Variants in SH2D4B observed in about 807,000 individuals in gnomAD.
SH2D4B encodes SH2 domain-containing protein 4B.
In SH2D4B, 45 loss-of-function variants were observed where a neutral mutation model predicts 61.5. The observed-to-expected ratio is 0.73, with a 90% confidence interval of 0.58 to 0.94. SH2D4B has a LOEUF of 0.94. Ranked by LOEUF, SH2D4B falls within the 40% of genes least tolerant of loss-of-function variation. The pLI, the probability that SH2D4B is intolerant of heterozygous loss-of-function variation, is 0.00. For missense variants in SH2D4B, 572 were observed against 574.2 expected (o/e 1.00, Z 0.04); for synonymous variants, 224 against 220.4 (o/e 1.02, Z -0.14).
rs772363476 is a variant in SH2D4B at position 80,609,515 on chromosome 10, G to C, written c.952G>C (p.Glu318Gln). The C allele has an allele frequency of 6.2e-7, 1 of 1,614,078 alleles. No homozygotes were observed. Among genetic ancestry groups the C allele is most frequent in the Non-Finnish European group, 8.5e-7 (1 of 1,180,048 alleles). Residue 318 changes from glutamate (E) to glutamine (Q), a missense_variant, in exon 6 of 8, where the codon GAG becomes CAG. Physicochemically the swap from Glu to Gln is conservative, Grantham distance 29 (BLOSUM62 2). Transcript: ENST00000646907. ...GCAGCTGCCTCGCCGAGCTGGCTTC[G>C]AGAGGAACACCAAGTTCATCGCCCC... ...EEQLPRRAGF[E>Q]RNTKFIAPWF... is the part of the protein sequence containing the mutation.
At chr10:80,606,887 T>C (rs1049829016) in intron 5 of SH2D4B, among the ~76,000 whole-genome samples, 5 of 152,212 alleles carry the variant, frequency 3.3e-5, no homozygotes, top group African/African-American at 4.8e-5. Flanking sequence ...TTATTAATAA[T>C]GGCAAAAAGT....
chr10:80,623,150 G>A (rs1284771888), intron 6 of SH2D4B, among the ~76,000 whole-genome samples: 2 of 152,104 alleles, frequency 1.3e-5, no homozygotes, highest in Admixed American at 1.3e-4. Flanking sequence ...CCTGACTTCC[G>A]GCAATCCGCC....
At chr10:80,560,864 C>T (rs1397849054) in intron 1 of SH2D4B, among the ~76,000 whole-genome samples, 2 of 152,022 alleles carry the variant, frequency 1.3e-5, no homozygotes, top group African/African-American at 4.8e-5. Context: ...AGGTTATTTA[C>T]TTTCTTTTAT....
At chr10:80,605,858 G>A (rs1272392921) in intron 5 of SH2D4B, among the ~76,000 whole-genome samples, 1 of 152,184 alleles carries the variant, frequency 6.6e-6, no homozygotes, top group Non-Finnish European at 1.5e-5. Flanking sequence ...AGTTAGAAAA[G>A]CCATCTCCTC....
intron 6 of SH2D4B, among the ~76,000 whole-genome samples, chr10:80,620,091 A>T (rs149142344): frequency 1.2e-3 from 190 of 152,318 alleles, no homozygotes; most frequent in Non-Finnish European, 1.9e-3. Context: ...CACCTTGCCC[A>T]CACGTTCTCC....
intron 4 of SH2D4B, among the ~76,000 whole-genome samples, chr10:80,599,157 G>T (rs967055024): frequency 1.3e-5 from 2 of 152,114 alleles, no homozygotes; most frequent in African/African-American, 4.8e-5. Context: ...CAGAGTCGGG[G>T]TCAGTGATAC....
In SH2D4B at chr10:80,578,495, G is replaced by A. The variant is rs138811998; in HGVS notation, c.495+6917G>A. On this transcript the variant is annotated intron_variant, in intron 3 of 7. Transcript: ENST00000646907. ...GGGGAGTATAATGGAGGGCAGAGGA[G>A]TAACTTTAGAGGTCTGGGCATGAGC... Among the ~76,000 whole-genome samples the A allele has an allele frequency of 2.4e-3, 372 of 152,168 alleles. 7 individuals carry two copies. The highest frequency in any genetic ancestry group is 0.019 in the Admixed American group (288 of 15,286).
At chr10:80,610,844 C>T (rs1024087422) in intron 6 of SH2D4B, among the ~76,000 whole-genome samples, 1 of 152,128 alleles carries the variant, frequency 6.6e-6, no homozygotes, top group Non-Finnish European at 1.5e-5. Flanking sequence ...CTTTAGTCTG[C>T]GCCTCAGCCT....
In SH2D4B at chr10:80,644,350, T is replaced by C. The variant is rs1589368634; in HGVS notation, c.*265T>C. ...CTTAGAAGACAAAGCCTGTTTGTCA[T>C]GGCTGCCGTAAACCGAGCTCTTACA... is the stretch of plus-strand genomic sequence containing the variant. On this transcript the variant is annotated 3_prime_UTR_variant, in exon 8 of 8. Transcript: ENST00000646907. 2.6e-6 allele frequency: 1 copy of C among 388,952 alleles called. No homozygotes were observed. The highest frequency in any genetic ancestry group is 5.9e-5 in the South Asian group (1 of 16,884). 24.1% of individuals were successfully genotyped at this position (388,952 alleles called of 1,614,324 possible).
chr10:80,592,677 C>T (rs1842343014), intron 4 of SH2D4B, among the ~76,000 whole-genome samples: 1 of 150,954 alleles, frequency 6.6e-6, no homozygotes, highest in African/African-American at 2.4e-5. Flanking sequence ...ATCAATTCAC[C>T]AAAAATATGT....
intron 3 of SH2D4B, among the ~76,000 whole-genome samples, chr10:80,581,768 G>C (rs1842187797): frequency 6.6e-6 from 1 of 152,206 alleles, no homozygotes; most frequent in African/African-American, 2.4e-5. Context: ...CTCCTTATCT[G>C]CACAAGGAAG....
intron 6 of SH2D4B, among the ~76,000 whole-genome samples, chr10:80,617,238 G>A (rs1011887772): frequency 2.0e-5 from 3 of 152,306 alleles, no homozygotes; most frequent in Admixed American, 2.0e-4. Context: ...TGGAGAGGTG[G>A]CCATTTTCTT....
At chr10:80,593,548 T>C (rs985223530) in intron 4 of SH2D4B, among the ~76,000 whole-genome samples, 12 of 152,254 alleles carry the variant, frequency 7.9e-5, no homozygotes, top group Non-Finnish European at 1.6e-4. Flanking sequence ...ATTGATCTTG[T>C]ATCCTGTAAC....
Position 80,588,660 on chromosome 10 carries a change from G to A in SH2D4B, c.526G>A (p.Glu176Lys). 8 of 1,614,066 alleles carry A rather than the reference G, an allele frequency of 5.0e-6. No individual in the cohort carries two copies. Among genetic ancestry groups the A allele is most frequent in the Non-Finnish European group, 6.8e-6 (8 of 1,180,046 alleles). The change falls in exon 4 of 8, where the codon GAA becomes AAA. Residue 176 changes from glutamate (E) to lysine (K), a missense_variant. By Grantham distance (56) the Glu-to-Lys change is moderately conservative. Coordinates refer to ENST00000646907, the MANE Select transcript of SH2D4B (RefSeq NM_001388272.1). ...AGAGGAAGAGGAGAGGAAGCGAGGAGAAGAGCAGATTCGCCTCCAGGAAGA... is the reference window on the plus strand; with the variant it reads ...AGAGGAAGAGGAGAGGAAGCGAGGAAAAGAGCAGATTCGCCTCCAGGAAGA... ...RKEEEERKRG[E>K]EQIRLQEEQR... is the part of the protein sequence containing the mutation.
chr10:80,636,889 C>A (rs1169699098), intron 7 of SH2D4B, among the ~76,000 whole-genome samples: 1 of 152,120 alleles, frequency 6.6e-6, no homozygotes, highest in Non-Finnish European at 1.5e-5. Flanking sequence ...ATGGTATTGC[C>A]TAGGTTTTCT....
chr10:80,546,612 A>G (rs931560629), intron 1 of SH2D4B, among the ~76,000 whole-genome samples: 12 of 146,154 alleles, frequency 8.2e-5, no homozygotes, highest in African/African-American at 2.8e-4. Context: ...TGCAAGCTCC[A>G]CCTCCTGGGT....
intron 5 of SH2D4B, among the ~76,000 whole-genome samples, chr10:80,607,781 A>G (rs1445143086): frequency 2.0e-5 from 3 of 152,248 alleles, no homozygotes; most frequent in Admixed American, 6.5e-5. Flanking sequence ...TGCCAGTACT[A>G]TTAGGTGGAT....
chr10:80,632,987 T>C (rs1479389230), intron 6 of SH2D4B, among the ~76,000 whole-genome samples: 1 of 151,820 alleles, frequency 6.6e-6, no homozygotes, highest in Non-Finnish European at 1.5e-5. Flanking sequence ...AGGTGGCCCC[T>C]GGTTGCGCCA....
intron 6 of SH2D4B, among the ~76,000 whole-genome samples, chr10:80,612,556 G>C (rs888718791): frequency 6.6e-6 from 1 of 152,192 alleles, no homozygotes; most frequent in Admixed American, 6.5e-5. Context: ...CTTAGAGCCA[G>C]CACCTTGTCA....
Sources: allele counts gnomAD v4.1 joint callset (sites outside exome capture counted in the v4.1 genomes callset), GRCh38; gene constraint gnomAD v4.1.1; transcripts MANE v1.5; gene names NCBI Gene and HGNC (gene_info 2026-07-23, HGNC 2026-07-21).